Variants in RABEP1 observed in about 807,000 individuals in gnomAD.
RABEP1 encodes rab GTPase-binding effector protein 1.
A neutral mutation model predicts 123.4 loss-of-function variants in RABEP1; 51 were observed. The ratio of observed to expected loss-of-function variants is 0.41; its 90% confidence interval spans 0.33 to 0.52. RABEP1 has a LOEUF of 0.52. RABEP1 is among the 20% of genes least tolerant of loss of function. The probability of loss-of-function intolerance (pLI) is 0.16; values close to 1 mark genes in which losing one functional copy is unlikely to be tolerated. For missense variants in RABEP1, 888 were observed against 996.3 expected (o/e 0.89, Z 1.46); for synonymous variants, 347 against 355.2 (o/e 0.98, Z 0.26).
intron 1 of RABEP1, among the ~76,000 whole-genome samples, chr17:5,291,386 C>A (rs550628270): frequency 2.0e-5 from 3 of 151,808 alleles, no homozygotes; most frequent in African/African-American, 7.3e-5. Context: ...CACTCCAGCC[C>A]GGGCGACAGT....
chr17:5,330,205 G>T (rs1364200024), intron 2 of RABEP1, among the ~76,000 whole-genome samples: 1 of 152,022 alleles, frequency 6.6e-6, no homozygotes, highest in Admixed American at 6.5e-5. Flanking sequence ...ATCTTTCTGG[G>T]TCTGTCTATT....
intron 1 of RABEP1, among the ~76,000 whole-genome samples, chr17:5,288,205 C>T (rs189616603): frequency 2.0e-5 from 3 of 151,698 alleles, no homozygotes; most frequent in Non-Finnish European, 2.9e-5. Flanking sequence ...GTCCTGGAGC[C>T]GAGATCTGAT....
At chr17:5,289,836 A>C (rs1430158715) in intron 1 of RABEP1, among the ~76,000 whole-genome samples, 1 of 152,190 alleles carries the variant, frequency 6.6e-6, no homozygotes, top group African/African-American at 2.4e-5. Context: ...GAGATACTTA[A>C]TCTGAAAAAC....
At position 5,361,443 on chromosome 17, in the gene RABEP1, G is replaced by T; in HGVS notation, c.1331G>T (p.Gly444Val). The change falls in exon 9 of 18, where the codon GGA becomes GTA. Residue 444 changes from glycine to valine, a missense_variant. Gly to Val is a moderately radical substitution (Grantham distance 109, BLOSUM62 -3). Transcript: ENST00000537505. Reference sequence around the variant, plus strand: ...GAGTCAGATTTTGGACCACTGGTAGGAGCAGATTCAGTGTCTGAGAACTTT... The same window carrying T: ...GAGTCAGATTTTGGACCACTGGTAGTAGCAGATTCAGTGTCTGAGAACTTT... ...LDESDFGPLV[G>V]ADSVSENFDT... The T allele has an allele frequency of 6.2e-7, 1 of 1,614,168 alleles. No individual in the cohort carries two copies. Among genetic ancestry groups the T allele is most frequent in the Non-Finnish European group, 8.5e-7 (1 of 1,180,028 alleles).
chr17:5,298,856 C>T (rs2075107289), intron 1 of RABEP1, among the ~76,000 whole-genome samples: 1 of 151,950 alleles, frequency 6.6e-6, no homozygotes, highest in African/African-American at 2.4e-5. Flanking sequence ...GGGGTTTCAC[C>T]GTGTTAGCCA....
chr17:5,297,492 A>T (rs2075094218), intron 1 of RABEP1, among the ~76,000 whole-genome samples: 2 of 152,218 alleles, frequency 1.3e-5, no homozygotes, highest in South Asian at 4.1e-4. Flanking sequence ...GGGGAAATCC[A>T]GCTAGGCCTT....
intron 1 of RABEP1, among the ~76,000 whole-genome samples, chr17:5,291,391 G>A (rs778917364): frequency 3.9e-5 from 6 of 152,060 alleles, no homozygotes; most frequent in Non-Finnish European, 5.9e-5. Context: ...CAGCCCGGGC[G>A]ACAGTGCGAG....
intron 12 of RABEP1, among the ~76,000 whole-genome samples, chr17:5,370,333 AAG>A (rs1338783828): frequency 1.3e-5 from 2 of 148,876 alleles, no homozygotes; most frequent in Non-Finnish European, 2.9e-5. Flanking sequence ...TCCTAAAACA[AAG>A]AGTTGTTCTG....
At chr17:5,310,174 G>A (rs941121220) in intron 2 of RABEP1, among the ~76,000 whole-genome samples, 1 of 151,814 alleles carries the variant, frequency 6.6e-6, no homozygotes, top group South Asian at 2.1e-4. Flanking sequence ...TATGAACTCT[G>A]TAAAATATAT....
intron 1 of RABEP1, among the ~76,000 whole-genome samples, chr17:5,296,792 G>T (rs2075087628): frequency 1.3e-5 from 2 of 152,178 alleles, no homozygotes; most frequent in Non-Finnish European, 2.9e-5. Context: ...TGTAGCTCCA[G>T]CTGGAGTGCA....
chr17:5,381,722 C>A, intron 17 of RABEP1: 1 of 636,562 alleles, frequency 1.6e-6, no homozygotes. Flanking sequence ...GCCAATTTTG[C>A]CTCCTTATGA....
chr17:5,317,480 C>G (rs1203933040), intron 2 of RABEP1, among the ~76,000 whole-genome samples: 1 of 152,064 alleles, frequency 6.6e-6, no homozygotes, highest in Non-Finnish European at 1.5e-5. Context: ...TGTTTAAAGA[C>G]CAAATGCCTT....
intron 10 of RABEP1, among the ~76,000 whole-genome samples, chr17:5,363,707 G>T (rs78813154): frequency 0.17 from 25,411 of 152,074 alleles, 2,221 homozygotes; most frequent in Middle Eastern, 0.22. Context: ...AAGGCTTAAT[G>T]GAATGTTATA....
intron 2 of RABEP1, among the ~76,000 whole-genome samples, chr17:5,327,358 A>C (rs1385989174): frequency 2.0e-5 from 3 of 151,972 alleles, no homozygotes; most frequent in African/African-American, 4.8e-5. Context: ...AAAAAAAAAA[A>C]AAAACCCCAA....
chr17:5,305,990 G>A lies in RABEP1; in HGVS notation c.35-2704G>A, dbSNP rs1597337868. The stretch of plus-strand genomic sequence containing the variant: ...CAGTCATCCTCTTTCGGCAATGATT[G>A]CACTTACACTATTAAATCTATAGTG... On this transcript the variant is annotated intron_variant, in intron 1 of 17. Coordinates refer to ENST00000537505, the MANE Select transcript of RABEP1 (RefSeq NM_004703.6). Among the ~76,000 whole-genome samples, 4 of 152,256 alleles carry A rather than the reference G, an allele frequency of 2.6e-5. No homozygotes were observed. In the South Asian group the frequency reaches 8.3e-4, roughly 32 times the overall value.
intron 3 of RABEP1, 78 bp downstream of exon 3, chr17:5,332,230 T>A: frequency 7.5e-7 from 1 of 1,331,672 alleles, no homozygotes; most frequent in Non-Finnish European, 1.0e-6. Context: ...TCAGAGAATC[T>A]TAAAATATAT....
intron 1 of RABEP1, among the ~76,000 whole-genome samples, chr17:5,288,705 CT>C (rs1193625949): frequency 6.8e-6 from 1 of 146,778 alleles, no homozygotes; most frequent in Non-Finnish European, 1.5e-5. Flanking sequence ...TATTTTATTT[CT>C]TTTCTTTATT....
chr17:5,382,728 G>A (rs1206997308), intron 17 of RABEP1, among the ~76,000 whole-genome samples: 1 of 152,040 alleles, frequency 6.6e-6, no homozygotes, highest in African/African-American at 2.4e-5. Flanking sequence ...CTCCAGCCTG[G>A]GTGACGGAGC....
At chr17:5,363,599 C>T (rs774012375) in intron 10 of RABEP1, among the ~76,000 whole-genome samples, 12 of 152,108 alleles carry the variant, frequency 7.9e-5, no homozygotes, top group Non-Finnish European at 1.6e-4. Context: ...CTGCCCCTTC[C>T]GCCTAAGGCC....
Sources: gnomAD v4.1 joint callset for allele counts (sites outside exome capture counted in the v4.1 genomes callset) on GRCh38, gnomAD v4.1.1 for gene constraint, MANE v1.5 for transcripts, NCBI Gene and HGNC (gene_info 2026-07-23, HGNC 2026-07-21) for gene names.